The following ABCA2 variants were observed in gnomAD, a reference collection of about 807,000 sequenced individuals.
ABCA2 encodes ATP-binding cassette sub-family A member 2.
ABCA2 carries 84 observed loss-of-function variants against 262.8 expected under a neutral mutation model. The ratio of observed to expected loss-of-function variants is 0.32; its 90% confidence interval spans 0.27 to 0.38. ABCA2 has a LOEUF of 0.38. Ranked by LOEUF, ABCA2 falls within the 10% of genes least tolerant of loss-of-function variation. The pLI is 1.00. For missense variants in ABCA2, 2,662 were observed against 3,405.9 expected, an observed-to-expected ratio of 0.78 and a Z score of 5.44; for synonymous variants, 1,696 against 1,502.9, an observed-to-expected ratio of 1.13 and a Z score of -2.97.
chr9:137,009,532 C>T lies in ABCA2; in HGVS notation c.6734+9G>A, dbSNP rs1323799115. 8 of 1,612,492 alleles carry T rather than the reference C, an allele frequency of 5.0e-6. No individual in the cohort carries two copies. The highest frequency in any genetic ancestry group is 5.9e-6 in the Non-Finnish European group (7 of 1,179,790). On this transcript the variant is annotated intron_variant, in intron 44 of 48. Transcript: ENST00000341511. ...TGGGGGCACAAAGAGGGGGTGGGGG[C>T]GCCCTCACCTGTGTGATGTCAGCAC...
chr9:137,014,867 C>T, intron 25 of ABCA2, 46 bp downstream of exon 25: 1 of 1,574,394 alleles, frequency 6.4e-7, no homozygotes, highest in South Asian at 1.2e-5. Context: ...GGAGTGCGCC[C>T]ACCTCCACCA....
Position 137,014,275 on chromosome 9 carries a change from G to A in ABCA2, c.4133C>T (p.Ser1378Phe), listed in dbSNP as rs764371912. Residue 1378 changes from serine (S) to phenylalanine (F), a missense_variant, in exon 27 of 49, where the codon TCT becomes TTT. Coordinates refer to ENST00000341511, the MANE Select transcript of ABCA2 (RefSeq NM_001606.5). ...CTCGTCGCCACGGGCAGAGCCCACA[G>A]ATGACGCCGACTGCAGCGATGCCTG... ...QSQASLQSAS[S>F]VGSARGDEGA... 141 of 1,611,290 alleles carry A rather than the reference G, an allele frequency of 8.8e-5. No individual in the cohort carries two copies. Among genetic ancestry groups the A allele is most frequent in the Non-Finnish European group, 1.2e-4 (136 of 1,179,452 alleles).
In ABCA2 at chr9:137,013,994, T is replaced by C. The variant is rs1831163227; in HGVS notation, c.4285A>G (p.Lys1429Glu). The part of the protein sequence containing the change: ...ALSRVGQGSR[K>E]LDGGWLKVRQ... ...ACCTTCAGCCACCCGCCGTCCAGCT[T>C]GCGGCTGCCCTGGCCGACCCTCGAC... is the stretch of plus-strand genomic sequence containing the variant. The change falls in exon 28 of 49, where the codon AAG becomes GAG. Residue 1429 changes from lysine to glutamate, a missense_variant. By Grantham distance (56) the Lys-to-Glu change is moderately conservative. Transcript: ENST00000341511. The C allele has an allele frequency of 1.2e-6, 2 of 1,612,092 alleles. No individual in the cohort carries two copies. The highest frequency in any genetic ancestry group is 1.7e-6 in the Non-Finnish European group (2 of 1,179,870).
Position 137,020,513 on chromosome 9 carries a change from G to C in ABCA2, c.1266-18C>G, listed in dbSNP as rs755337534. The C allele has an allele frequency of 6.4e-7, 1 of 1,573,132 alleles. No homozygotes were observed. The highest frequency in any genetic ancestry group is 1.3e-5 in the African/African-American group (1 of 74,328). ...CAATGGTGCTGGGGTAGGGGACAGG[G>C]GGCCGGGCCAGGCCGTTAGGGGGCA... On this transcript the variant is annotated intron_variant, in intron 9 of 48. Coordinates refer to ENST00000341511, the MANE Select transcript of ABCA2 (RefSeq NM_001606.5).
intron 24 of ABCA2, 30 bp downstream of exon 24, chr9:137,015,384 G>A (rs202006880): frequency 6.7e-5 from 102 of 1,533,266 alleles, no homozygotes; most frequent in Middle Eastern, 2.3e-4. Context: ...AAGGTGGCCC[G>A]AAGCCAGCTC....
In ABCA2 at chr9:137,020,683, C is replaced by T. The variant is rs374291264; in HGVS notation, c.1265+11G>A. Reference sequence around the variant, plus strand: ...GTCCTCCTCACCCCCATTCCCCTGCCGCCCACCTACCGGTTGTTGCCACAC... The same window carrying T: ...GTCCTCCTCACCCCCATTCCCCTGCTGCCCACCTACCGGTTGTTGCCACAC... On this transcript the variant is annotated intron_variant, in intron 9 of 48. Coordinates refer to ENST00000341511, the MANE Select transcript of ABCA2 (RefSeq NM_001606.5). The T allele has an allele frequency of 2.4e-5, 39 of 1,598,014 alleles. No individual in the cohort carries two copies. Among genetic ancestry groups the T allele is most frequent in the African/African-American group, 5.3e-5 (4 of 74,906 alleles).
rs370574671 is a variant in ABCA2, at chr9:137,017,524, C to T, written c.2380G>A (p.Ala794Thr). The change falls in exon 17 of 49, where the codon GCG becomes ACG. Residue 794 changes from alanine to threonine, a missense_variant. This residue lies in a region of ABCA2 where 188 missense variants were observed against 343.4 expected (regional missense o/e 0.55). Coordinates refer to ENST00000341511, the MANE Select transcript of ABCA2 (RefSeq NM_001606.5). ...VIIWLFLAVY[A>T]VATIMFCFLV... ...CACCAGAACATGATGGTGGCCACCG[C>T]GTAGACTGCCAGGAAGAGCCAGATG... 1.9e-6 allele frequency: 3 copies of T among 1,610,024 alleles called. No individual in the cohort carries two copies. Among genetic ancestry groups the T allele is most frequent in the East Asian group, 2.2e-5 (1 of 44,796 alleles).
Position 137,021,607 on chromosome 9 carries a change from G to C in ABCA2, c.682C>G (p.Leu228Val), listed in dbSNP as rs1254901695. The change falls in exon 8 of 49, where the codon CTG (leucine) becomes GTG (valine). Residue 228 changes from leucine to valine, a missense_variant. Transcript: ENST00000341511. This position sits in a 1 kb window ranked among gnomAD's most constrained non-coding sequence, Gnocchi z 6.0. ...TCCAGGAGGGCAGGAGCCAGCAGCA[G>C]CTCCTGGGATGGGCACAGGGGTCCG... ...GGNPLFRMEE[L>V]LLAPALLEQL... 6.4e-6 allele frequency: 10 copies of C among 1,552,786 alleles called. No homozygotes were observed. Among genetic ancestry groups the C allele is most frequent in the African/African-American group, 1.4e-5 (1 of 73,234 alleles).
chr9:137,007,759 A>G lies in ABCA2; in HGVS notation c.*170T>C. 1 of 897,296 alleles carries G rather than the reference A, an allele frequency of 1.1e-6. No homozygotes were observed. The highest frequency in any genetic ancestry group is 1.7e-6 in the Non-Finnish European group (1 of 584,220). The allele number at this position is 897,296 out of a possible 1,614,324, so 55.6% of individuals were successfully genotyped here. On this transcript the variant is annotated 3_prime_UTR_variant, in exon 49 of 49. Transcript: ENST00000341511. ...ACAATTAGGGGCGGCAACCGCAGTG[A>G]CCACAGGGCATGGCCGAGTACAGGG...
Position 137,014,747 on chromosome 9 carries a change from C to T in ABCA2, c.3946G>A (p.Glu1316Lys). Residue 1316 changes from glutamate to lysine, a missense_variant, in exon 26 of 49, where the codon GAG (glutamate) becomes AAG (lysine). By Grantham distance (56) the Glu-to-Lys change is moderately conservative. Around this residue, in one of 12 missense-constraint regions of ABCA2, gnomAD observed 297 missense variants for 286.5 expected, o/e 1.04. Transcript: ENST00000341511. ...TCCGACACCTTGAGGAACACTTCCT[C>T]CAGGGTCGTGTCCATCAGCCCGAAG... ...SSFGLMDTTL[E>K]EVFLKVSEED... 1 of 1,601,690 alleles carries T rather than the reference C, an allele frequency of 6.2e-7. No homozygotes were observed. The highest frequency in any genetic ancestry group is 8.5e-7 in the Non-Finnish European group (1 of 1,175,470).
chr9:137,028,256 C>T, upstream of ABCA2: 1 of 978,334 alleles, frequency 1.0e-6, no homozygotes, highest in Non-Finnish European at 1.2e-6. The surrounding 1 kb of genome is among the most constrained non-coding windows in gnomAD (Gnocchi z 6.9). Context: ...GGCGCTCGGG[C>T]GTCCGGGACC....
In ABCA2 at chr9:137,024,124, G is replaced by A; in HGVS notation, c.160+19C>T. 1 of 1,596,934 alleles carries A rather than the reference G, an allele frequency of 6.3e-7. No homozygotes were observed. Reference sequence around the variant, plus strand: ...GCCGCGCTCCCCCGGCTGTGCCTGGGGCCTCCTGCCGCACTCACCTTCCTT... The same window carrying A: ...GCCGCGCTCCCCCGGCTGTGCCTGGAGCCTCCTGCCGCACTCACCTTCCTT... On this transcript the variant is annotated intron_variant, in intron 2 of 48. Transcript: ENST00000341511.
chr9:137,010,556 G>A (rs1476755752), intron 40 of ABCA2, 64 bp downstream of exon 40: 3 of 1,582,118 alleles, frequency 1.9e-6, no homozygotes, highest in Admixed American at 1.7e-5. Context: ...TCCACTGCTG[G>A]GGCCCCACCC....
Position 137,015,926 on chromosome 9 carries a change from C to T in ABCA2, c.3317+36G>A, listed in dbSNP as rs746253642. ...CTGCTATGCAGAGCCCCAGGGCCTC[C>T]GCCCACCTGCCCCGCCCCCCGCCCA... On this transcript the variant is annotated intron_variant, in intron 22 of 48. Transcript: ENST00000341511. The T allele has an allele frequency of 4.3e-5, 68 of 1,575,038 alleles. No individual in the cohort carries two copies. In the Middle Eastern group the frequency reaches 1.3e-3, roughly 31 times the overall value.
In ABCA2 at chr9:137,019,300, C is replaced by T. The variant is rs1034368607; in HGVS notation, c.1432G>A (p.Glu478Lys). ...EVDRVILKAN[E>K]TFAFVGNVTH... ...ACGTTGCCCACAAAAGCAAAAGTCT[C>T]GTTGGCCTGCAGGGGGTGAGGCAGG... Residue 478 changes from glutamate (E) to lysine (K), a missense_variant, in exon 11 of 49, where the codon GAG becomes AAG. By Grantham distance (56) the Glu-to-Lys change is moderately conservative (BLOSUM62 1). Coordinates refer to ENST00000341511, the MANE Select transcript of ABCA2 (RefSeq NM_001606.5). The surrounding 1 kb of genome is among the most constrained non-coding windows in gnomAD (Gnocchi z 4.4). The T allele has an allele frequency of 6.2e-6, 10 of 1,612,374 alleles. No individual in the cohort carries two copies. The South Asian group carries it at 8.8e-5, about 14-fold the overall frequency.
In ABCA2 at chr9:137,008,773, C is replaced by T. The variant is rs1477829865; in HGVS notation, c.7026G>A (p.Leu2342=). 6.3e-7 allele frequency: 1 copy of T among 1,596,720 alleles called. No homozygotes were observed. The highest frequency in any genetic ancestry group is 8.5e-7 in the Non-Finnish European group (1 of 1,173,594). ...GGCTGACCGAGTAGTCCTCGATGCC[C>T]AGCACGCCAGACACCTGCTCCATCT... ...FSKMEQVSGV[L]GIEDYSVSQT... Residue 2342 remains leucine, a synonymous_variant, in exon 47 of 49, where the codon CTG becomes CTA. Transcript: ENST00000341511.
At chr9:137,009,332 G>GGGCCCCCCCCCCCCCCC in intron 45 of ABCA2, 38 bp downstream of exon 45, 1 of 980,410 alleles carries the variant, frequency 1.0e-6, no homozygotes, top group East Asian at 2.6e-5. Flanking sequence ...CCCCCCCCGG[G>GGGCCCCCCCCCCCCCCC]CCCGCCCCAG....
In ABCA2 at chr9:137,021,912, G is replaced by A; in HGVS notation, c.657C>T (p.Gly219=). 6.2e-7 allele frequency: 1 copy of A among 1,601,078 alleles called. No individual in the cohort carries two copies. The highest frequency in any genetic ancestry group is 1.1e-5 in the South Asian group (1 of 88,762). Residue 219 remains glycine, a synonymous_variant, in exon 7 of 49, where the codon GGC becomes GGT. Coordinates refer to ENST00000341511, the MANE Select transcript of ABCA2 (RefSeq NM_001606.5). The surrounding 1 kb of genome is among the most constrained non-coding windows in gnomAD (Gnocchi z 6.0). ...TCACCTCCATCCGGAACAGGGGATT[G>A]CCCCCTAGGCGGCTCCAGGGCTCCT... The part of the protein sequence containing the change: ...KGQEPWSRLG[G]NPLFRMEELL...
intron 48 of ABCA2, 172 bp downstream of exon 48, chr9:137,008,244 A>T: frequency 1.2e-6 from 1 of 858,692 alleles, no homozygotes. Context: ...CCATGCAGTT[A>T]CGTCTCTCCA....
Sources: gnomAD v4.1 joint callset for allele counts on GRCh38, gnomAD v4.1.1 for gene constraint, gnomAD v4.1.1 regional missense constraint, Gnocchi (gnomAD v3.1) non-coding constraint, MANE v1.5 for transcripts, NCBI Gene and HGNC (gene_info 2026-07-23, HGNC 2026-07-21) for gene names.